The following MTUS2 variants were observed in gnomAD, a reference collection of about 807,000 sequenced individuals.
MTUS2 encodes microtubule associated scaffold protein 2.
MTUS2 carries 40 observed loss-of-function variants against 114.1 expected under a neutral mutation model. The ratio of observed to expected loss-of-function variants is 0.35; its 90% confidence interval spans 0.27 to 0.46. MTUS2 has a LOEUF of 0.46. Ranked by LOEUF, MTUS2 falls within the 20% of genes least tolerant of loss-of-function variation. The probability of loss-of-function intolerance (pLI) is 1.00; values close to 1 mark genes in which losing one functional copy is unlikely to be tolerated. For missense variants in MTUS2, 1,679 were observed against 1,705.4 expected, an observed-to-expected ratio of 0.98 and a Z score of 0.27; for synonymous variants, 688 against 672.0, an observed-to-expected ratio of 1.02 and a Z score of -0.37.
At chr13:28,887,780 C>G (rs1878678291) in intron 2 of MTUS2, among the ~76,000 whole-genome samples, 1 of 152,168 alleles carries the variant, frequency 6.6e-6, no homozygotes, top group Non-Finnish European at 1.5e-5. Context: ...ATGCCACTCC[C>G]TGGGGCTATC....
At chr13:29,181,760 T>C (rs1454909221) in intron 5 of MTUS2, among the ~76,000 whole-genome samples, 2 of 151,032 alleles carry the variant, frequency 1.3e-5, no homozygotes, top group African/African-American at 4.9e-5. Context: ...GTAGAGCTTT[T>C]TCAGAAATCA....
At chr13:29,201,803 C>G (rs763275888) in intron 5 of MTUS2, among the ~76,000 whole-genome samples, 71 of 152,290 alleles carry the variant, frequency 4.7e-4, no homozygotes, top group Middle Eastern at 3.4e-3. Flanking sequence ...GTTGAAAATT[C>G]CTTTCTTTAG....
At chr13:29,166,782 TA>T (rs1893333756) in intron 5 of MTUS2, among the ~76,000 whole-genome samples, 1 of 152,362 alleles carries the variant, frequency 6.6e-6, no homozygotes, top group Admixed American at 6.5e-5. Flanking sequence ...CTACCATTGT[TA>T]ATCATAAAAT....
At chr13:28,905,085 G>C (rs1344566575) in intron 2 of MTUS2, among the ~76,000 whole-genome samples, 1 of 151,572 alleles carries the variant, frequency 6.6e-6, no homozygotes, top group African/African-American at 2.4e-5. Context: ...GAATGCTTGT[G>C]ATTTTTGTAC....
At chr13:28,984,011 C>T (rs887794795) in intron 2 of MTUS2, among the ~76,000 whole-genome samples, 2 of 152,198 alleles carry the variant, frequency 1.3e-5, no homozygotes, top group African/African-American at 4.8e-5. Flanking sequence ...CACTTTGTTT[C>T]TTTACCTGTT....
intron 8 of MTUS2, among the ~76,000 whole-genome samples, chr13:29,414,519 G>A (rs140822576): frequency 0.018 from 2,683 of 147,180 alleles, 79 homozygotes; most frequent in African/African-American, 0.062. Context: ...TGGCCCTGAT[G>A]TTTTTTGTAT....
rs781096889 is a variant in MTUS2 at position 29,026,449 on chromosome 13, C to G, written c.1751C>G (p.Ser584Cys). The change falls in exon 3 of 16, where the codon TCC becomes TGC. Residue 584 changes from serine to cysteine, a missense_variant. Ser to Cys is a moderately radical substitution (Grantham distance 112, BLOSUM62 -1). Coordinates refer to ENST00000612955, the MANE Select transcript of MTUS2 (RefSeq NM_001033602.4). ...GATAGTGCACGCTTGTTGAACACGT[C>G]CCCCAAAGTGCCTGACAAGAACACT... ...PTDSARLLNT[S>C]PKVPDKNTCP... 12 of 1,613,958 alleles carry G rather than the reference C, an allele frequency of 7.4e-6. No homozygotes were observed. The highest frequency in any genetic ancestry group is 8.5e-6 in the Non-Finnish European group (10 of 1,179,866).
At chr13:28,957,582 C>T (rs1442508533) in intron 2 of MTUS2, among the ~76,000 whole-genome samples, 2 of 152,186 alleles carry the variant, frequency 1.3e-5, no homozygotes, top group East Asian at 3.9e-4. Context: ...TACTAGTAAT[C>T]TAGAGAGGAT....
intron 5 of MTUS2, among the ~76,000 whole-genome samples, chr13:29,182,338 T>G (rs745571167): frequency 5.9e-5 from 9 of 152,260 alleles, no homozygotes; most frequent in Non-Finnish European, 1.0e-4. Flanking sequence ...TCTCCACTGA[T>G]GACTGGTGCT....
chr13:29,269,075 A>G (rs955717678), intron 5 of MTUS2, among the ~76,000 whole-genome samples: 2 of 152,178 alleles, frequency 1.3e-5, no homozygotes, highest in African/African-American at 4.8e-5. Flanking sequence ...CAGGAGCAGA[A>G]CAGTGTCTCA....
rs1265346170 is a variant in MTUS2 at position 29,504,032 on chromosome 13, C to CT, written c.*832dup. ...GATAGTCTTGTAAACACAAGTTTTG[C>CT]TTTTTTCCTAAATGGCATCTCAGAC... is the stretch of plus-strand genomic sequence containing the variant. On this transcript the variant is annotated 3_prime_UTR_variant, in exon 16 of 16. Transcript: ENST00000612955. 4.3e-6 allele frequency: 1 copy of CT among 231,768 alleles called. No homozygotes were observed. 14.4% of individuals were successfully genotyped at this position (231,768 alleles called of 1,614,324 possible).
intron 6 of MTUS2, among the ~76,000 whole-genome samples, chr13:29,293,035 A>G (rs1007029010): frequency 6.6e-6 from 1 of 152,208 alleles, no homozygotes; most frequent in Admixed American, 6.5e-5. Flanking sequence ...CAATGAAATA[A>G]TTAGTTTAAA....
intron 6 of MTUS2, among the ~76,000 whole-genome samples, chr13:29,314,063 A>G (rs1899886040): frequency 6.6e-6 from 1 of 152,176 alleles, no homozygotes; most frequent in Non-Finnish European, 1.5e-5. Flanking sequence ...GTGCTCTACC[A>G]AAGTAAGGAA....
chr13:28,894,790 T>G (rs1879166513), intron 2 of MTUS2, among the ~76,000 whole-genome samples: 1 of 152,212 alleles, frequency 6.6e-6, no homozygotes, highest in South Asian at 2.1e-4. Context: ...TGCTTAAGAA[T>G]CAGTAAAATC....
chr13:29,292,940 G>A (rs577652248), intron 6 of MTUS2, among the ~76,000 whole-genome samples: 1 of 152,178 alleles, frequency 6.6e-6, no homozygotes, highest in South Asian at 2.1e-4. Flanking sequence ...AAATGTTAAA[G>A]ACTTTAATTC....
intron 5 of MTUS2, among the ~76,000 whole-genome samples, chr13:29,183,875 T>A (rs1269090883): frequency 6.6e-6 from 1 of 152,202 alleles, no homozygotes; most frequent in African/African-American, 2.4e-5. Flanking sequence ...AGAAAGAATT[T>A]TCCAGGTCTG....
chr13:28,887,659 A>T (rs981358399), intron 2 of MTUS2, among the ~76,000 whole-genome samples: 1 of 152,202 alleles, frequency 6.6e-6, no homozygotes, highest in Non-Finnish European at 1.5e-5. Context: ...CCTTGCAGGC[A>T]TGTGCCAAGG....
intron 2 of MTUS2, among the ~76,000 whole-genome samples, chr13:28,958,731 C>A (rs998925020): frequency 6.6e-6 from 1 of 152,040 alleles, no homozygotes; most frequent in Non-Finnish European, 1.5e-5. Context: ...TGGAAGAGTG[C>A]GCATCACATA....
intron 8 of MTUS2, 62 bp from the exon 9 acceptor site, chr13:29,439,921 T>C: frequency 8.1e-7 from 1 of 1,233,216 alleles, no homozygotes; most frequent in Non-Finnish European, 1.2e-6. Context: ...TAATTAATCA[T>C]GTGAAAGTGC....
Sources: gnomAD v4.1 joint callset for allele counts (sites outside exome capture counted in the v4.1 genomes callset) on GRCh38, gnomAD v4.1.1 for gene constraint, MANE v1.5 for transcripts, NCBI Gene and HGNC (gene_info 2026-07-23, HGNC 2026-07-21) for gene names.